The following COL6A5 variants were observed in gnomAD, a reference collection of about 807,000 sequenced individuals.
COL6A5 encodes collagen alpha-5(VI) chain.
A neutral mutation model predicts 65.6 loss-of-function variants in COL6A5; 48 were observed. The ratio of observed to expected loss-of-function variants is 0.73; its 90% CI spans 0.58 to 0.93. The LOEUF is 0.93. COL6A5 is among the 40% of genes least tolerant of loss of function. COL6A5 has a pLI of 0.00. For synonymous variants in COL6A5, 291 were observed against 322.8 expected (o/e 0.90, Z 1.05); for missense variants, 914 against 928.3 (o/e 0.98, Z 0.20).
intron 4 of COL6A5, among the ~76,000 whole-genome samples, chr3:130,382,708 T>C (rs1247274075): frequency 2.6e-5 from 4 of 152,132 alleles, no homozygotes; most frequent in Non-Finnish European, 5.9e-5. Flanking sequence ...AGAAACAATC[T>C]ATATCTGGCT....
chr3:130,406,811 T>C (rs1170898378), intron 17 of COL6A5, among the ~76,000 whole-genome samples: 1 of 152,202 alleles, frequency 6.6e-6, no homozygotes, highest in Non-Finnish European at 1.5e-5. Context: ...CAGCTCTACT[T>C]TTATGTTCTG....
intron 1 of COL6A5, among the ~76,000 whole-genome samples, chr3:130,355,878 C>T (rs1934906790): frequency 6.6e-6 from 1 of 151,928 alleles, no homozygotes; most frequent in Admixed American, 6.6e-5. Flanking sequence ...TCCAGCCACA[C>T]ACTATCTACA....
chr3:130,376,893 C>T (rs1484225480), intron 3 of COL6A5, 57 bp downstream of exon 3: 4 of 1,490,042 alleles, frequency 2.7e-6, no homozygotes, highest in South Asian at 1.4e-5. Context: ...TACATCTGTC[C>T]ACTCTCACCT....
At chr3:130,368,406 C>G (rs1935420722) in intron 1 of COL6A5, among the ~76,000 whole-genome samples, 1 of 152,282 alleles carries the variant, frequency 6.6e-6, no homozygotes, top group Middle Eastern at 3.4e-3. Context: ...CCAGCAAATA[C>G]TTCTTGAGAA....
intron 14 of COL6A5, 136 bp from the exon 15 acceptor site, chr3:130,405,857 T>C: frequency 1.0e-6 from 1 of 962,370 alleles, no homozygotes; most frequent in Non-Finnish European, 1.6e-6. Flanking sequence ...CATTAATAAA[T>C]TGCATCTCTA....
chr3:130,346,630 A>G (rs561955042), intron 1 of COL6A5, among the ~76,000 whole-genome samples: 1 of 152,280 alleles, frequency 6.6e-6, no homozygotes, highest in South Asian at 2.1e-4. Context: ...TCTCCAGGTA[A>G]GGTTCTTTCA....
In COL6A5 at chr3:130,409,308, T is replaced by A. The variant is rs1224222952; in HGVS notation, c.4480-18T>A. The A allele has an allele frequency of 1.3e-6, 2 of 1,533,512 alleles. No individual in the cohort carries two copies. The highest frequency in any genetic ancestry group is 4.3e-5 in the Admixed American group (2 of 46,556). The allele number at this position is 1,533,512 out of a possible 1,614,324, so 95.0% of individuals were successfully genotyped here. ...GCCTCCTACAAGCTAACTCAGAAAT[T>A]CATTTCATTTTTTTCAGGGCAGCCC... is the stretch of plus-strand genomic sequence containing the variant. On this transcript the variant is annotated intron_variant and NMD_transcript_variant, in intron 17 of 41. Transcript: ENST00000312481.
At chr3:130,428,871 A>G (rs1211691158), upstream of COL6A5, among the ~76,000 whole-genome samples, 1 of 152,188 alleles carries the variant, frequency 6.6e-6, no homozygotes, top group African/African-American at 2.4e-5. Flanking sequence ...AGTATTAATA[A>G]TATCTTTTAT....
At chr3:130,383,580 T>G (rs1173820925) in intron 4 of COL6A5, among the ~76,000 whole-genome samples, 1 of 152,090 alleles carries the variant, frequency 6.6e-6, no homozygotes, top group Non-Finnish European at 1.5e-5. Flanking sequence ...GTATTGATTT[T>G]ATAGTTCATT....
In COL6A5 at chr3:130,440,765, C is replaced by CAT; in HGVS notation, c.1183_1184dup (p.Lys396IlefsTer5). 1 of 1,613,268 alleles carries CAT rather than the reference C, an allele frequency of 6.2e-7. No individual in the cohort carries two copies. The highest frequency in any genetic ancestry group is 8.5e-7 in the Non-Finnish European group (1 of 1,179,552). On this transcript the variant is annotated frameshift_variant, in exon 3 of 8. Coordinates refer to ENST00000512836, the Ensembl canonical transcript of COL6A5. LOFTEE classifies it high-confidence loss of function. ...ACACCTGATACAGCTTGGGAGAATA[C>CAT]ATAAACCAGATCTGAATTATATTGC...
chr3:130,422,107 C>T (rs1259587021), intron 27 of COL6A5, among the ~76,000 whole-genome samples: 1 of 152,000 alleles, frequency 6.6e-6, no homozygotes. Context: ...CTGTCAACTG[C>T]TGAATCCTCT....
intron 5 of COL6A5, among the ~76,000 whole-genome samples, chr3:130,456,982 CA>C (rs900102549): frequency 6.0e-5 from 9 of 151,120 alleles, no homozygotes; most frequent in African/African-American, 1.9e-4. Context: ...CATCTTAGCT[CA>C]AAAAAAAGTA....
At chr3:130,349,704 T>C (rs1051949223) in intron 1 of COL6A5, among the ~76,000 whole-genome samples, 1 of 152,214 alleles carries the variant, frequency 6.6e-6, no homozygotes, top group African/African-American at 2.4e-5. Context: ...CTAAGTGCTT[T>C]AAATGTGTAT....
In COL6A5 at chr3:130,436,339, T is replaced by A. The variant is rs375921020; in HGVS notation, c.488-3183T>A. Among the ~76,000 whole-genome samples, 5 of 152,176 alleles carry A rather than the reference T, an allele frequency of 3.3e-5. No individual in the cohort carries two copies. The South Asian group carries it at 1.0e-3, about 32-fold the overall frequency. ...CCCTCTGTCTACTATAGATGGATTT[T>A]TTTCCTTCTCTGCTACATTATTCCA... On this transcript the variant is annotated intron_variant, in intron 1 of 7. Coordinates refer to ENST00000512836, the Ensembl canonical transcript of COL6A5.
intron 1 of COL6A5, among the ~76,000 whole-genome samples, chr3:130,360,206 G>A (rs1935061521): frequency 6.6e-6 from 1 of 152,058 alleles, no homozygotes; most frequent in South Asian, 2.1e-4. Flanking sequence ...TGCTTAGTGT[G>A]GCATAAATGT....
In COL6A5 at chr3:130,397,936, C is replaced by T. The variant is rs1193554478; in HGVS notation, c.3909+13C>T. On this transcript the variant is annotated intron_variant and NMD_transcript_variant, in intron 9 of 41. Coordinates refer to the COL6A5 transcript ENST00000312481. ...ATCCCGGGGCCAGGTATCCATATTA[C>T]ATTCTATCTCCCATCTCCACATTCT... The T allele has an allele frequency of 7.8e-6, 12 of 1,547,986 alleles. No individual in the cohort carries two copies. The highest frequency in any genetic ancestry group is 1.0e-5 in the Non-Finnish European group (12 of 1,143,868).
rs747249979 is a variant in COL6A5, at chr3:130,410,081, T to C, written c.4608+7T>C. ...AGGAGAACAAGGAAGACAAGTAATT[T>C]GATCTGTTTTATCTATGAGTTGATT... is the stretch of plus-strand genomic sequence containing the variant. On this transcript the variant is annotated splice_region_variant and intron_variant and NMD_transcript_variant, in intron 19 of 41. Transcript: ENST00000312481. 1.8e-5 allele frequency: 27 copies of C among 1,539,968 alleles called. No homozygotes were observed. The African/African-American group carries it at 3.6e-4, about 20-fold the overall frequency.
At chr3:130,352,010 A>T (rs1416512561) in intron 1 of COL6A5, among the ~76,000 whole-genome samples, 1 of 152,162 alleles carries the variant, frequency 6.6e-6, no homozygotes, top group Non-Finnish European at 1.5e-5. Context: ...CTTTGCAGGG[A>T]CATGGATCAA....
chr3:130,434,979 A>G (rs998591552), intron 1 of COL6A5, among the ~76,000 whole-genome samples: 1 of 152,184 alleles, frequency 6.6e-6, no homozygotes, highest in South Asian at 2.1e-4. Flanking sequence ...TTTCGTTGCA[A>G]CTGCTTTTGG....
Sources: allele counts gnomAD v4.1 joint callset (sites outside exome capture counted in the v4.1 genomes callset), GRCh38; gene constraint gnomAD v4.1.1; transcripts MANE v1.5; gene names NCBI Gene and HGNC (gene_info 2026-07-23, HGNC 2026-07-21).